The following THEMIS variants were observed in gnomAD, a reference collection of about 807,000 sequenced individuals.
The protein encoded by THEMIS is protein THEMIS.
Under a neutral mutation model 52.6 loss-of-function variants are expected in THEMIS, and 37 were observed. The observed-to-expected ratio is 0.70, with a 90% CI of 0.54 to 0.93. The LOEUF is 0.93. Ranked by LOEUF, THEMIS falls within the 40% of genes least tolerant of loss-of-function variation. The pLI is 0.00. For missense variants in THEMIS, 808 were observed against 763.1 expected (o/e 1.06, Z -0.69); for synonymous variants, 292 against 272.7 (o/e 1.07, Z -0.70).
chr6:127,907,399 T>C (rs1426341719), intron 1 of THEMIS, among the ~76,000 whole-genome samples: 1 of 141,288 alleles, frequency 7.1e-6, no homozygotes, highest in Non-Finnish European at 1.5e-5. Flanking sequence ...ATCCTGCTGT[T>C]GTGTGACACC....
intron 4 of THEMIS, among the ~76,000 whole-genome samples, chr6:127,752,350 A>G (rs1431996376): frequency 1.4e-5 from 2 of 147,228 alleles, no homozygotes; most frequent in African/African-American, 5.0e-5. Flanking sequence ...AGGAAAGAGT[A>G]ATGAAACGAA....
At chr6:127,788,932 G>C (rs1014233360) in intron 4 of THEMIS, among the ~76,000 whole-genome samples, 1 of 152,110 alleles carries the variant, frequency 6.6e-6, no homozygotes, top group Non-Finnish European at 1.5e-5. Flanking sequence ...AAGCAAGAAA[G>C]ATGTAAAATC....
intron 2 of THEMIS, among the ~76,000 whole-genome samples, chr6:127,845,391 C>T (rs978375105): frequency 6.6e-6 from 1 of 151,860 alleles, no homozygotes; most frequent in African/African-American, 2.4e-5. Flanking sequence ...ACCTGGGAAG[C>T]ATTTATTGAA....
chr6:127,894,708 C>A (rs1780911191), intron 1 of THEMIS, among the ~76,000 whole-genome samples: 1 of 151,348 alleles, frequency 6.6e-6, no homozygotes, highest in Admixed American at 6.6e-5. Flanking sequence ...AGCTTCTTTT[C>A]AAAAAAATTC....
At chr6:127,849,358 G>C (rs902977613) in intron 2 of THEMIS, among the ~76,000 whole-genome samples, 1 of 151,868 alleles carries the variant, frequency 6.6e-6, no homozygotes, top group Non-Finnish European at 1.5e-5. Flanking sequence ...GTCAGGTAGC[G>C]TGATGCCTCC....
At chr6:127,836,838 C>T (rs141194341) in intron 2 of THEMIS, among the ~76,000 whole-genome samples, 3,765 of 152,208 alleles carry the variant, frequency 0.025, 85 homozygotes, top group South Asian at 0.047. Flanking sequence ...TGGCCCCTGA[C>T]GGTCCTCTCT....
intron 4 of THEMIS, among the ~76,000 whole-genome samples, chr6:127,723,030 A>T (rs948855808): frequency 1.3e-5 from 2 of 151,906 alleles, no homozygotes; most frequent in Non-Finnish European, 2.9e-5. Flanking sequence ...TCCAATATTA[A>T]GTATGTTCCT....
chr6:127,903,041 A>T (rs1583413725), upstream of THEMIS, among the ~76,000 whole-genome samples: 2 of 152,156 alleles, frequency 1.3e-5, no homozygotes, highest in South Asian at 4.1e-4. Context: ...TGTGATAATC[A>T]TCTTCGTATT....
chr6:127,840,429 A>C (rs781287641), intron 2 of THEMIS, among the ~76,000 whole-genome samples: 2 of 152,140 alleles, frequency 1.3e-5, no homozygotes, highest in Admixed American at 6.6e-5. Context: ...ATATGTATGC[A>C]TGTGTACAAT....
chr6:127,850,695 A>C (rs554756834), intron 2 of THEMIS, among the ~76,000 whole-genome samples: 1 of 151,800 alleles, frequency 6.6e-6, no homozygotes, highest in South Asian at 2.1e-4. Flanking sequence ...TGAGGACACA[A>C]AGGCATAAGA....
chr6:127,813,325 T>C lies in THEMIS; in HGVS notation c.1316A>G (p.His439Arg), dbSNP rs754408985. 1.7e-5 allele frequency: 27 copies of C among 1,614,162 alleles called. No homozygotes were observed. The highest frequency in any genetic ancestry group is 2.3e-5 in the Non-Finnish European group (27 of 1,180,024). Reference protein sequence around the residue: ...YMEGGFVEVIHDKKQYPISEL... With the variant: ...YMEGGFVEVIRDKKQYPISEL... ...AGAAATCGGGTACTGTTTCTTATCA[T>C]GAATCACCTCTACAAAACCTCCTTC... The change falls in exon 4 of 6, where the codon CAT becomes CGT. Residue 439 changes from histidine (H) to arginine (R), a missense_variant. Physicochemically the swap from His to Arg is conservative, Grantham distance 29. Transcript: ENST00000368248.
At chr6:127,864,647 C>A (rs542513680) in intron 1 of THEMIS, among the ~76,000 whole-genome samples, 1 of 152,162 alleles carries the variant, frequency 6.6e-6, no homozygotes, top group East Asian at 1.9e-4. Flanking sequence ...TAGATTATGA[C>A]AAATGACCAT....
At chr6:127,864,259 T>A (rs1703426680) in intron 1 of THEMIS, among the ~76,000 whole-genome samples, 1 of 152,096 alleles carries the variant, frequency 6.6e-6, no homozygotes, top group Admixed American at 6.6e-5. Flanking sequence ...AATTGGGATT[T>A]TTTTTTAGTA....
chr6:127,861,802 A>G (rs1003869904), intron 1 of THEMIS, among the ~76,000 whole-genome samples: 3 of 81,618 alleles, frequency 3.7e-5, no homozygotes, highest in African/African-American at 1.3e-4. Flanking sequence ...AAAAAAAAAA[A>G]AAAGAAAAGA....
At chr6:127,890,614 A>T (rs565945160) in intron 1 of THEMIS, among the ~76,000 whole-genome samples, 1 of 152,236 alleles carries the variant, frequency 6.6e-6, no homozygotes, top group South Asian at 2.1e-4. Flanking sequence ...CAAAGAAATG[A>T]TCAATGTTTG....
chr6:127,896,286 C>T (rs1047251037), intron 1 of THEMIS, among the ~76,000 whole-genome samples: 1 of 150,746 alleles, frequency 6.6e-6, no homozygotes, highest in African/African-American at 2.4e-5. Context: ...CATCAATATT[C>T]ACAGACAATG....
intron 4 of THEMIS, among the ~76,000 whole-genome samples, chr6:127,736,851 CAA>C (rs3057968): frequency 3.8e-5 from 4 of 104,846 alleles, no homozygotes; most frequent in Non-Finnish European, 5.5e-5. Flanking sequence ...ACCAAATGAT[CAA>C]AAAAAAAAAA....
rs373644699 is a variant in THEMIS, at chr6:127,900,940, C to T, written c.-8G>A. On this transcript the variant is annotated 5_prime_UTR_variant, in exon 1 of 6. Transcript: ENST00000368248. ...TTCCAGTGATAATGCCATTGCTATG[C>T]CTTGGGTAGTTTGTAGACCTGGTGC... 3 of 1,611,658 alleles carry T rather than the reference C, an allele frequency of 1.9e-6. No homozygotes were observed. The highest frequency in any genetic ancestry group is 2.2e-5 in the South Asian group (2 of 91,012).
chr6:127,876,759 A>C (rs1158958654), intron 1 of THEMIS, among the ~76,000 whole-genome samples: 1 of 152,226 alleles, frequency 6.6e-6, no homozygotes, highest in East Asian at 1.9e-4. Flanking sequence ...GAAAGCAATT[A>C]ACTATGGCTA....
Sources: allele counts gnomAD v4.1 joint callset (sites outside exome capture counted in the v4.1 genomes callset), GRCh38; gene constraint gnomAD v4.1.1; transcripts MANE v1.5; gene names NCBI Gene and HGNC (gene_info 2026-07-23, HGNC 2026-07-21).